The following EHMT1 variants were observed in gnomAD, a reference collection of about 807,000 sequenced individuals.
EHMT1 encodes the protein histone-lysine N-methyltransferase EHMT1.
In EHMT1, 15 loss-of-function variants were observed where a neutral mutation model predicts 147.2. The observed-to-expected ratio is 0.10, with a 90% confidence interval of 0.07 to 0.16. The LOEUF (loss-of-function observed/expected upper bound fraction) is 0.16. EHMT1 is among the 10% of genes least tolerant of loss of function. EHMT1 has a pLI of 1.00. For missense variants in EHMT1, 1,587 were observed against 1,772.4 expected (o/e 0.90, Z 1.88); for synonymous variants, 795 against 709.6 (o/e 1.12, Z -1.91).
chr9:137,701,614 A>G (rs1406356733), intron 1 of EHMT1, among the ~76,000 whole-genome samples: 1 of 140,842 alleles, frequency 7.1e-6, no homozygotes, highest in Non-Finnish European at 1.5e-5. Context: ...GGGCGCCACC[A>G]TGCCTGGCTA....
intron 1 of EHMT1, among the ~76,000 whole-genome samples, chr9:137,698,906 A>G (rs531060719): frequency 3.4e-4 from 52 of 151,942 alleles, no homozygotes; most frequent in Non-Finnish European, 7.2e-4. Flanking sequence ...CTCAGTTTCT[A>G]TGATCTTTCC....
At chr9:137,774,967 C>T in intron 10 of EHMT1, 142 bp from the exon 11 acceptor site, 1 of 1,205,318 alleles carries the variant, frequency 8.3e-7, no homozygotes, top group East Asian at 2.4e-5. Flanking sequence ...CTTGCAAAGC[C>T]AAGCTGGCCT....
At chr9:137,709,319 G>T (rs1166039028) in intron 1 of EHMT1, among the ~76,000 whole-genome samples, 1 of 152,156 alleles carries the variant, frequency 6.6e-6, no homozygotes, top group Non-Finnish European at 1.5e-5. Flanking sequence ...CTGCATGTTC[G>T]AGGGCTGGCC....
intron 3 of EHMT1, among the ~76,000 whole-genome samples, chr9:137,722,786 G>A (rs985206617): frequency 1.3e-4 from 20 of 152,220 alleles, no homozygotes; most frequent in African/African-American, 4.6e-4. Context: ...CTGTATCTGT[G>A]GGCCCCACGG....
intron 10 of EHMT1, chr9:137,763,117 C>T: frequency 1.7e-6 from 1 of 589,420 alleles, no homozygotes; most frequent in Non-Finnish European, 3.0e-6. Context: ...TCCTACCTTG[C>T]TATAAACAAA....
intron 1 of EHMT1, among the ~76,000 whole-genome samples, chr9:137,661,348 A>C (rs1287131553): frequency 2.6e-5 from 4 of 152,036 alleles, no homozygotes; most frequent in Non-Finnish European, 4.4e-5. Flanking sequence ...TAATACTTGA[A>C]AACTATTTTT....
chr9:137,644,907 C>G (rs1844773480), intron 1 of EHMT1, among the ~76,000 whole-genome samples: 2 of 151,238 alleles, frequency 1.3e-5, no homozygotes, highest in Admixed American at 1.3e-4. Context: ...CAGTCTCCCT[C>G]TGTTGCCCAG....
chr9:137,827,712 G>C (rs1955905414), intron 25 of EHMT1, among the ~76,000 whole-genome samples: 1 of 152,172 alleles, frequency 6.6e-6, no homozygotes, highest in Admixed American at 6.5e-5. Flanking sequence ...CCCTCATGCT[G>C]TTCTGGAGCT....
At chr9:137,715,589 C>T (rs1462687899) in intron 2 of EHMT1, 1 of 985,406 alleles carries the variant, frequency 1.0e-6, no homozygotes. Context: ...CCGTGTGCAC[C>T]TAGCGATGCC....
chr9:137,775,174 C>G lies in EHMT1; in HGVS notation c.1713C>G (p.Leu571=), dbSNP rs770898796. The change falls in exon 11 of 27, where the codon CTC becomes CTG. Residue 571 remains leucine, a synonymous_variant. Transcript: ENST00000460843. The surrounding 1 kb of genome is among the most constrained non-coding windows in gnomAD (Gnocchi z 6.1). ...TGCGCCCCTCCAACAAGGCCCCGCT[C>G]CTCGTGCTGTGTGAAGACCACCGGG... is the stretch of plus-strand genomic sequence containing the variant. ...ELMRPSNKAP[L]LVLCEDHRGR... The G allele has an allele frequency of 6.2e-6, 10 of 1,613,862 alleles. No individual in the cohort carries two copies. The highest frequency in any genetic ancestry group is 5.9e-6 in the Non-Finnish European group (7 of 1,180,046).
intron 15 of EHMT1, chr9:137,788,041 G>T (rs1249278128): frequency 2.2e-6 from 3 of 1,370,118 alleles, no homozygotes; most frequent in African/African-American, 2.8e-5. Context: ...AGGGTTGAGG[G>T]CCTGATGGCT....
rs1002101418 is a variant in EHMT1 at position 137,763,027 on chromosome 9, G to C, written c.1647+207G>C. 2.5e-5 allele frequency: 17 copies of C among 676,142 alleles called. No homozygotes were observed. In the African/African-American group the frequency reaches 3.0e-4, roughly 12 times the overall value. 41.9% of individuals were successfully genotyped at this position (676,142 alleles called of 1,614,324 possible). On this transcript the variant is annotated intron_variant, in intron 10 of 26. Transcript: ENST00000460843. ...CACAGGTCTAGAGCTTGTTAAAAAG[G>C]AGGACTGTGTAGACAAAGTCTTTGA... is the stretch of plus-strand genomic sequence containing the variant.
intron 10 of EHMT1, chr9:137,764,701 T>G (rs535430946): frequency 6.6e-6 from 1 of 152,358 alleles, no homozygotes; most frequent in East Asian, 1.9e-4. Flanking sequence ...GTTGACAAAA[T>G]GCCTTTTACT....
At chr9:137,752,535 C>A in intron 7 of EHMT1, 127 bp downstream of exon 7, 2 of 1,112,926 alleles carry the variant, frequency 1.8e-6, no homozygotes, top group South Asian at 2.7e-5. Context: ...TGGAGCTGGT[C>A]ATGGTGATGG....
At chr9:137,685,325 C>T (rs1217928284) in intron 1 of EHMT1, 4 of 152,092 alleles carry the variant, frequency 2.6e-5, no homozygotes, top group South Asian at 4.1e-4. Context: ...TGCTTAAACC[C>T]GATATTTCAT....
intron 17 of EHMT1, 117 bp downstream of exon 17, chr9:137,799,031 C>T: frequency 3.6e-6 from 3 of 842,506 alleles, no homozygotes; most frequent in Admixed American, 2.0e-5. Context: ...ACGCACAGAG[C>T]CAGCTCGGGC....
At chr9:137,827,012 G>A (rs757844476) in intron 25 of EHMT1, among the ~76,000 whole-genome samples, 6 of 152,166 alleles carry the variant, frequency 3.9e-5, no homozygotes, top group East Asian at 1.9e-4. Context: ...CATGTTGGCC[G>A]GGGGGTCCCC....
chr9:137,688,562 C>T (rs1454997480), intron 1 of EHMT1, among the ~76,000 whole-genome samples: 1 of 152,036 alleles, frequency 6.6e-6, no homozygotes, highest in Admixed American at 6.6e-5. Flanking sequence ...AGCATATCTG[C>T]TTTATTGTGA....
At chr9:137,819,867 C>G (rs575679045) in intron 25 of EHMT1, among the ~76,000 whole-genome samples, 1 of 152,142 alleles carries the variant, frequency 6.6e-6, no homozygotes, top group Non-Finnish European at 1.5e-5. Context: ...GTTTTGGGAG[C>G]TTTCTGAGGC....
Sources: allele counts gnomAD v4.1 joint callset (sites outside exome capture counted in the v4.1 genomes callset), GRCh38; gene constraint gnomAD v4.1.1; non-coding constraint Gnocchi (gnomAD v3.1); transcripts MANE v1.5; gene names NCBI Gene and HGNC (gene_info 2026-07-23, HGNC 2026-07-21).